Variants in KCNC2 observed in about 807,000 individuals in gnomAD.
KCNC2 encodes the protein voltage-gated potassium channel KCNC2.
A neutral mutation model predicts 44.5 loss-of-function variants in KCNC2; 21 were observed. That is an observed-to-expected ratio of 0.47 (90% CI 0.33 to 0.68). KCNC2 has a LOEUF of 0.68. KCNC2 is among the 30% of genes least tolerant of loss of function. The pLI, the probability that KCNC2 is intolerant of heterozygous loss-of-function variation, is 0.01. For missense variants in KCNC2, 589 were observed against 826.2 expected, an observed-to-expected ratio of 0.71 and a Z score of 3.52; for synonymous variants, 391 against 339.1, an observed-to-expected ratio of 1.15 and a Z score of -1.68.
rs1349254812 is a variant in KCNC2, at chr12:75,070,102, A to C, written c.688-18785T>G. The stretch of plus-strand genomic sequence containing the variant: ...CTAACTTAAGAAAATGCACTTAATG[A>C]ATAAAAGAATATTGATAAATGAGAA... On this transcript the variant is annotated intron_variant, in intron 2 of 4. Coordinates refer to ENST00000549446, the MANE Select transcript of KCNC2 (RefSeq NM_139137.4). Among the ~76,000 whole-genome samples the C allele has an allele frequency of 3.3e-5, 5 of 152,230 alleles. No homozygotes were observed. The East Asian group carries it at 9.6e-4, about 29-fold the overall frequency.
At chr12:75,129,539 G>T (rs550230132) in intron 2 of KCNC2, among the ~76,000 whole-genome samples, 21 of 152,118 alleles carry the variant, frequency 1.4e-4, no homozygotes, top group Non-Finnish European at 2.8e-4. Context: ...GGCTGTGTGT[G>T]TATTCTTTTG....
At chr12:75,149,640 G>C (rs1166281403) in intron 2 of KCNC2, among the ~76,000 whole-genome samples, 1 of 151,132 alleles carries the variant, frequency 6.6e-6, no homozygotes. Context: ...ACATTTATAC[G>C]TTAAATAGCC....
At position 75,114,950 on chromosome 12, in the gene KCNC2, GC is replaced by G. The variant is rs373700986; in HGVS notation, c.688-63634del. 7.7e-5 allele frequency among the ~76,000 whole-genome samples: 10 copies of G among 129,912 alleles called. 1 individual carries two copies. Among genetic ancestry groups the G allele is most frequent in the African/African-American group, 2.9e-4 (10 of 34,138 alleles). The allele number at this position is 129,912 out of a possible 152,430, so 85.2% of individuals were successfully genotyped here. ...GCGATCTCGGCTCACTGCAGGCTCC[GC>G]CCCCCGGGGTTCACGCCATTCTCCT... is the stretch of plus-strand genomic sequence containing the variant. On this transcript the variant is annotated intron_variant, in intron 2 of 4. Transcript: ENST00000549446.
intron 2 of KCNC2, among the ~76,000 whole-genome samples, chr12:75,114,619 C>T (rs1365797175): frequency 1.3e-5 from 2 of 152,030 alleles, no homozygotes; most frequent in Admixed American, 6.6e-5. Context: ...GGAATTACAA[C>T]CCAAAGAAGT....
intron 2 of KCNC2, among the ~76,000 whole-genome samples, chr12:75,117,999 C>A (rs1276478187): frequency 6.6e-6 from 1 of 152,124 alleles, no homozygotes; most frequent in Non-Finnish European, 1.5e-5. Context: ...CTATGTATGT[C>A]CCTACCCCAT....
rs943009157 is a variant in KCNC2, at chr12:75,207,327, G to A, written c.657C>T (p.Phe219=). 3 of 1,565,646 alleles carry A rather than the reference G, an allele frequency of 1.9e-6. No homozygotes were observed. Among genetic ancestry groups the A allele is most frequent in the Admixed American group, 2.0e-5 (1 of 51,076 alleles). The change falls in exon 2 of 5, where the codon TTC becomes TTT. Residue 219 remains phenylalanine (F), a synonymous_variant. Coordinates refer to ENST00000549446, the MANE Select transcript of KCNC2 (RefSeq NM_139137.4). This position sits in a 1 kb window ranked among gnomAD's most constrained non-coding sequence, Gnocchi z 4.1. ...RRLQPRMWAL[F]EDPYSSRAAR... ...CGGCTCTGGACGAGTAGGGGTCTTC[G>A]AAGAGGGCCCACATGCGGGGCTGCA...
intron 2 of KCNC2, among the ~76,000 whole-genome samples, chr12:75,163,334 AAG>A (rs1252305035): frequency 6.6e-6 from 1 of 151,770 alleles, no homozygotes; most frequent in African/African-American, 2.4e-5. Context: ...CTCCAGGTAA[AAG>A]AGGTATTATT....
chr12:75,140,824 A>G (rs79158670), intron 2 of KCNC2, among the ~76,000 whole-genome samples: 6 of 152,232 alleles, frequency 3.9e-5, no homozygotes, highest in Admixed American at 2.0e-4. Context: ...GGAAGATGAA[A>G]AGAAATTGAG....
chr12:75,050,398 T>C lies in KCNC2; in HGVS notation c.1607A>G (p.Asn536Ser). The C allele has an allele frequency of 6.2e-7, 1 of 1,608,110 alleles. No individual in the cohort carries two copies. The highest frequency in any genetic ancestry group is 1.1e-5 in the South Asian group (1 of 90,508). Residue 536 changes from asparagine (N) to serine (S), a missense_variant, in exon 3 of 5, where the codon AAC (asparagine) becomes AGC (serine). By Grantham distance (46) the Asn-to-Ser change is conservative. Transcript: ENST00000549446. ...TTGAAGTCCTGCCTTACCTGATCTG[T>C]TATGTTCCAGAAGTCGATTGTCTTT... ...LGKDNRLLEH[N>S]RSVLSGDDST...
intron 2 of KCNC2, among the ~76,000 whole-genome samples, chr12:75,123,739 TGGAGACCTGATTCTCTTA>T (rs1888204614): frequency 6.6e-6 from 1 of 152,180 alleles, no homozygotes; most frequent in South Asian, 2.1e-4. Flanking sequence ...GTGGAAAACT[TGGAGACCTGATTCTCTTA>T]GGAACCCCAG....
At chr12:75,152,269 TA>T (rs527665744) in intron 2 of KCNC2, among the ~76,000 whole-genome samples, 10 of 145,856 alleles carry the variant, frequency 6.9e-5, no homozygotes, top group Admixed American at 2.1e-4. Flanking sequence ...CATATCATAG[TA>T]AAAAAAAAGA....
chr12:75,077,189 T>G (rs1306085341), intron 2 of KCNC2, among the ~76,000 whole-genome samples: 2 of 152,146 alleles, frequency 1.3e-5, no homozygotes, highest in African/African-American at 2.4e-5. Context: ...TTAGTCCTCA[T>G]GTACACCACG....
Position 75,083,117 on chromosome 12 carries a change from T to C in KCNC2, c.688-31800A>G, listed in dbSNP as rs199730019. Among the ~76,000 whole-genome samples the C allele has an allele frequency of 1.2e-3, 123 of 106,016 alleles. 1 individual carries two copies. The East Asian group carries it at 0.016, about 14-fold the overall frequency. 69.6% of individuals were successfully genotyped at this position (106,016 alleles called of 152,430 possible). On this transcript the variant is annotated intron_variant, in intron 2 of 4. Transcript: ENST00000549446. The stretch of plus-strand genomic sequence containing the variant: ...TAAAATTATTTTCTTTTATCTGTTA[T>C]TTCCAAATTTTCTAAAATAAATATT...
intron 2 of KCNC2, among the ~76,000 whole-genome samples, chr12:75,061,500 A>G (rs572503627): frequency 1.3e-5 from 2 of 151,912 alleles, no homozygotes; most frequent in South Asian, 4.2e-4. Flanking sequence ...TTAAGTAAAG[A>G]AATAGGAAAA....
chr12:75,048,047 G>A (rs1353706565), intron 4 of KCNC2, 106 bp downstream of exon 4: 18 of 964,690 alleles, frequency 1.9e-5, no homozygotes, highest in East Asian at 5.0e-5. Context: ...AGCACTGTAC[G>A]CAGTCTTTCC....
chr12:75,095,538 T>G (rs1419878061), intron 2 of KCNC2, among the ~76,000 whole-genome samples: 1 of 151,790 alleles, frequency 6.6e-6, no homozygotes, highest in Non-Finnish European at 1.5e-5. Flanking sequence ...CCTCTCCTTC[T>G]TGTTCTCAGT....
At chr12:75,153,170 T>C (rs1334825361) in intron 2 of KCNC2, among the ~76,000 whole-genome samples, 1 of 151,994 alleles carries the variant, frequency 6.6e-6, no homozygotes, top group Non-Finnish European at 1.5e-5. Flanking sequence ...GAATAAGAGA[T>C]GGCTACATGT....
At chr12:75,169,348 C>T (rs1360815827) in intron 2 of KCNC2, among the ~76,000 whole-genome samples, 2 of 151,496 alleles carry the variant, frequency 1.3e-5, no homozygotes, top group African/African-American at 4.8e-5. Context: ...GTTGAATTAA[C>T]AATATTCAAT....
intron 2 of KCNC2, among the ~76,000 whole-genome samples, chr12:75,087,360 C>T (rs1409365022): frequency 6.6e-6 from 1 of 152,040 alleles, no homozygotes; most frequent in Non-Finnish European, 1.5e-5. Context: ...AGATAACATT[C>T]TAGAGGCTTT....
Sources: gnomAD v4.1 joint callset for allele counts (sites outside exome capture counted in the v4.1 genomes callset) on GRCh38, gnomAD v4.1.1 for gene constraint, Gnocchi (gnomAD v3.1) non-coding constraint, MANE v1.5 for transcripts, NCBI Gene and HGNC (gene_info 2026-07-23, HGNC 2026-07-21) for gene names.